PKHD1: variants seen among roughly 807,000 people sequenced by gnomAD.
PKHD1 encodes the protein PKHD1 ciliary IPT domain containing fibrocystin/polyductin, also known as fibrocystin.
Under a neutral mutation model 412.0 loss-of-function variants are expected in PKHD1, and 291 were observed. The observed-to-expected ratio is 0.71, with a 90% confidence interval of 0.64 to 0.78. The LOEUF (loss-of-function observed/expected upper bound fraction) is 0.78, where lower values mean the gene tolerates loss of function less well. Ranked by LOEUF, PKHD1 falls within the 30% of genes least tolerant of loss-of-function variation. PKHD1 has a pLI of 0.00. For missense variants in PKHD1, 4,825 were observed against 4,950.7 expected, an observed-to-expected ratio of 0.97 and a Z score of 0.76; for synonymous variants, 1,777 against 1,821.5, an observed-to-expected ratio of 0.98 and a Z score of 0.62.
At chr6:51,821,722 G>T (rs1387975570) in intron 52 of PKHD1, among the ~76,000 whole-genome samples, 1 of 152,020 alleles carries the variant, frequency 6.6e-6, no homozygotes, top group Non-Finnish European at 1.5e-5. Flanking sequence ...TTGTTTGTTT[G>T]TTTGTTTTTT....
chr6:52,035,810 A>C, intron 27 of PKHD1, 89 bp from the exon 28 acceptor site: 1 of 1,327,942 alleles, frequency 7.5e-7, no homozygotes, highest in East Asian at 2.3e-5. Context: ...AAATGAAATT[A>C]AAATATGAAA....
chr6:51,776,500 T>C (rs1282364470), intron 53 of PKHD1, among the ~76,000 whole-genome samples: 1 of 152,064 alleles, frequency 6.6e-6, no homozygotes, highest in Non-Finnish European at 1.5e-5. Flanking sequence ...ACCATTATTA[T>C]GGCAAAACCT....
At chr6:51,667,916 G>C (rs1257018956) in intron 60 of PKHD1, among the ~76,000 whole-genome samples, 1 of 152,008 alleles carries the variant, frequency 6.6e-6, no homozygotes, top group East Asian at 1.9e-4. Context: ...TCTCTGTTTT[G>C]GTAGCAGTAC....
At chr6:51,751,917 T>A (rs933126796) in intron 57 of PKHD1, among the ~76,000 whole-genome samples, 3 of 152,142 alleles carry the variant, frequency 2.0e-5, no homozygotes, top group Non-Finnish European at 4.4e-5. Context: ...AAACACAAAA[T>A]AGAGTTTCTG....
intron 52 of PKHD1, among the ~76,000 whole-genome samples, chr6:51,796,335 T>C (rs961373572): frequency 6.6e-6 from 1 of 152,200 alleles, no homozygotes; most frequent in Admixed American, 6.5e-5. Context: ...TGTGTTTCTC[T>C]GGGGTCAGTG....
At position 51,950,220 on chromosome 6, in the gene PKHD1, A is replaced by AAAAAAAAAAAATATAT; in HGVS notation, c.5908+9649_5908+9650insATATATTTTTTTTTTT. On this transcript the variant is annotated intron_variant, in intron 36 of 66. Transcript: ENST00000371117. ...AATGGGCAATATAGAGAAAAAAAAA[A>AAAAAAAAAAAATATAT]ATATATATATATATATATATGAAAT... is the stretch of plus-strand genomic sequence containing the variant. 1.6e-4 allele frequency among the ~76,000 whole-genome samples: 16 copies of AAAAAAAAAAAATATAT among 98,298 alleles called. 1 individual carries two copies. Among genetic ancestry groups the AAAAAAAAAAAATATAT allele is most frequent in the African/African-American group, 5.7e-4 (15 of 26,486 alleles). 64.5% of individuals were successfully genotyped at this position (98,298 alleles called of 152,430 possible).
chr6:51,883,008 T>C, intron 46 of PKHD1, 85 bp downstream of exon 46: 1 of 1,000,986 alleles, frequency 1.0e-6, no homozygotes, highest in Non-Finnish European at 1.6e-6. Context: ...GCTATTAAAA[T>C]TGCATATCCT....
chr6:51,924,036 G>A (rs1785140496), intron 37 of PKHD1, among the ~76,000 whole-genome samples: 1 of 152,160 alleles, frequency 6.6e-6, no homozygotes, highest in African/African-American at 2.4e-5. Context: ...TGAGAGTAAA[G>A]AATGGGAAGC....
chr6:51,938,470 A>G (rs2127788798), intron 36 of PKHD1, among the ~76,000 whole-genome samples: 1 of 150,442 alleles, frequency 6.6e-6, no homozygotes, highest in South Asian at 2.1e-4. Context: ...TGGCTCAAAA[A>G]GCTCCCCCAC....
In PKHD1 at chr6:51,994,603, G is replaced by A. The variant is rs140375637; in HGVS notation, c.5751+15706C>T. On this transcript the variant is annotated intron_variant, in intron 35 of 66. Coordinates refer to ENST00000371117, the MANE Select transcript of PKHD1 (RefSeq NM_138694.4). ...TGTTTGTTTTTTTCCTTGAGACAGA[G>A]TATTACTCTGCTGCCCAGGCTGGAA... Among the ~76,000 whole-genome samples, 1,148 of 152,154 alleles carry A rather than the reference G, an allele frequency of 7.5e-3. 14 individuals carry two copies. Among genetic ancestry groups the A allele is most frequent in the African/African-American group, 0.026 (1,064 of 41,502 alleles).
At chr6:51,801,009 G>A (rs1037750149) in intron 52 of PKHD1, among the ~76,000 whole-genome samples, 5 of 152,122 alleles carry the variant, frequency 3.3e-5, no homozygotes, top group African/African-American at 9.7e-5. Flanking sequence ...TGAACCAAAG[G>A]AAAAGTAAAT....
At chr6:51,798,039 C>T (rs1410115979) in intron 52 of PKHD1, among the ~76,000 whole-genome samples, 1 of 152,112 alleles carries the variant, frequency 6.6e-6, no homozygotes, top group African/African-American at 2.4e-5. Flanking sequence ...TGAAAAGGAT[C>T]TTATTTCACT....
chr6:51,667,620 C>G (rs2150474195), intron 60 of PKHD1, among the ~76,000 whole-genome samples: 1 of 151,866 alleles, frequency 6.6e-6, no homozygotes, highest in South Asian at 2.1e-4. Context: ...AGTCCTTGCC[C>G]ATGCCTATGT....
At chr6:51,818,956 C>T (rs181628203) in intron 52 of PKHD1, among the ~76,000 whole-genome samples, 138 of 152,218 alleles carry the variant, frequency 9.1e-4, no homozygotes, top group African/African-American at 3.2e-3. Flanking sequence ...TATCTATCAA[C>T]CTCGTACCAT....
Position 51,747,933 on chromosome 6 carries a change from G to T in PKHD1, c.9683C>A (p.Ser3228Ter), listed in dbSNP as rs1057516445. ...TGGATTGGAGGGAGCTCTATCTGTT[G>T]ATGTCAAGTTGGCTGAGTGCGGCTT... Reference protein sequence around the residue: ...KVKPHSANLTSTDRAPSNPRG... With the variant: ...KVKPHSANLT Residue 3228 changes from serine to a stop codon, truncating the protein, a stop_gained, in exon 58 of 67, where the codon TCA becomes TAA. Coordinates refer to ENST00000371117, the MANE Select transcript of PKHD1 (RefSeq NM_138694.4). LOFTEE classifies it high-confidence loss of function. 4 of 1,614,072 alleles carry T rather than the reference G, an allele frequency of 2.5e-6. No individual in the cohort carries two copies. The highest frequency in any genetic ancestry group is 3.4e-6 in the Non-Finnish European group (4 of 1,179,986).
intron 51 of PKHD1, among the ~76,000 whole-genome samples, chr6:51,835,727 A>G (rs913071430): frequency 6.6e-6 from 1 of 152,242 alleles, no homozygotes; most frequent in Admixed American, 6.5e-5. Context: ...GTTTTAGTCC[A>G]GTCCTCTTAC....
intron 5 of PKHD1, 45 bp downstream of exon 5, chr6:52,079,855 C>G: frequency 9.2e-7 from 1 of 1,090,862 alleles, no homozygotes; most frequent in Non-Finnish European, 1.4e-6. Context: ...CACAAGCACA[C>G]CCTTAGACTA....
chr6:52,083,224 T>C lies in PKHD1; in HGVS notation c.84A>G (p.Glu28=), dbSNP rs769222726. 1.2e-6 allele frequency: 2 copies of C among 1,612,114 alleles called. No homozygotes were observed. The highest frequency in any genetic ancestry group is 1.3e-5 in the African/African-American group (1 of 74,900). Residue 28 remains glutamate, a synonymous_variant, in exon 3 of 67, where the codon GAA becomes GAG. Coordinates refer to ENST00000371117, the MANE Select transcript of PKHD1 (RefSeq NM_138694.4). ...VRHLSLHIEP[E]EGSLAGGTWI... Reference sequence around the variant, plus strand: ...ACGTTCCCCCTGCAAGGCTACCTTCTTCAGGTTCAATATGTAAACTCAGGT... The same window carrying C: ...ACGTTCCCCCTGCAAGGCTACCTTCCTCAGGTTCAATATGTAAACTCAGGT...
intron 60 of PKHD1, among the ~76,000 whole-genome samples, chr6:51,726,379 T>C (rs1034357152): frequency 6.6e-5 from 10 of 152,194 alleles, no homozygotes; most frequent in African/African-American, 2.4e-4. Context: ...ATAAAGTGCA[T>C]ATTAAAATAA....
Sources: allele counts gnomAD v4.1 joint callset (sites outside exome capture counted in the v4.1 genomes callset), GRCh38; gene constraint gnomAD v4.1.1; transcripts MANE v1.5; gene names NCBI Gene and HGNC (gene_info 2026-07-23, HGNC 2026-07-21).